The following DNAH8 variants were observed in gnomAD, a reference collection of about 807,000 sequenced individuals.
The protein encoded by DNAH8 is dynein axonemal heavy chain 8.
Under a neutral mutation model 562.1 loss-of-function variants are expected in DNAH8, and 382 were observed. The ratio of observed to expected loss-of-function variants is 0.68; its 90% CI spans 0.63 to 0.74. DNAH8 has a LOEUF of 0.74. Among genes scored for constraint, DNAH8 ranks in the 30% least tolerant of loss-of-function variants. The probability of loss-of-function intolerance (pLI) is 0.00; values close to 1 mark genes in which losing one functional copy is unlikely to be tolerated. For missense variants in DNAH8, 5,203 were observed against 5,620.4 expected (o/e 0.93, Z 2.37); for synonymous variants, 1,881 against 1,919.4 (o/e 0.98, Z 0.52).
intron 88 of DNAH8, among the ~76,000 whole-genome samples, chr6:38,995,855 C>T (rs1486000123): frequency 1.3e-5 from 2 of 152,202 alleles, no homozygotes; most frequent in South Asian, 4.1e-4. Context: ...ATGTACTAGC[C>T]TTCTTAATAT....
intron 53 of DNAH8, among the ~76,000 whole-genome samples, chr6:38,881,311 T>G (rs1299449349): frequency 3.3e-5 from 5 of 152,234 alleles, no homozygotes; most frequent in Non-Finnish European, 7.3e-5. Flanking sequence ...AATGTATGCT[T>G]TCTTTCCATG....
intron 82 of DNAH8, among the ~76,000 whole-genome samples, chr6:38,956,783 A>G (rs966658329): frequency 6.6e-6 from 1 of 152,244 alleles, no homozygotes; most frequent in Non-Finnish European, 1.5e-5. Context: ...AGATACACTA[A>G]AACTAAAAAG....
At chr6:38,911,013 C>T (rs1780850644) in intron 65 of DNAH8, among the ~76,000 whole-genome samples, 1 of 152,164 alleles carries the variant, frequency 6.6e-6, no homozygotes, top group African/African-American at 2.4e-5. Context: ...TCTGTAAACC[C>T]ACCCAGCTGG....
rs1768817843 is a variant in DNAH8 at position 38,783,199 on chromosome 6, A to G, written c.2395+60A>G. On this transcript the variant is annotated intron_variant, in intron 17 of 92. Coordinates refer to ENST00000327475, the MANE Select transcript of DNAH8 (RefSeq NM_001206927.2). ...GGATTAGGTGATTTTGAATGAGTTC[A>G]TAGTTCTGGAGAACTTTTTCCATCC... 5 of 1,537,672 alleles carry G rather than the reference A, an allele frequency of 3.3e-6. No homozygotes were observed. In the Admixed American group the frequency reaches 5.4e-5, roughly 17 times the overall value.
intron 3 of DNAH8, among the ~76,000 whole-genome samples, chr6:38,725,323 A>ATAATAATAATAG (rs1554193024): frequency 8.1e-5 from 12 of 148,076 alleles, no homozygotes; most frequent in Admixed American, 2.7e-4. Flanking sequence ...AATAATAATA[A>ATAATAATAATAG]TAATAATAAT....
chr6:38,938,762 G>T (rs978290431), intron 78 of DNAH8, 36 bp from the exon 79 acceptor site: 5 of 1,482,902 alleles, frequency 3.4e-6, no homozygotes, highest in African/African-American at 1.4e-5. Context: ...AAAAGAAATT[G>T]CCCTTTGCTT....
At chr6:39,010,062 A>T (rs1050169955) in intron 89 of DNAH8, among the ~76,000 whole-genome samples, 2 of 152,328 alleles carry the variant, frequency 1.3e-5, no homozygotes, top group African/African-American at 4.8e-5. Context: ...GGAAAGGTTC[A>T]AGACCTTGTG....
chr6:38,994,123 C>A (rs773250385), intron 88 of DNAH8, among the ~76,000 whole-genome samples: 44 of 152,112 alleles, frequency 2.9e-4, no homozygotes, highest in Non-Finnish European at 2.2e-4. Context: ...GTTATCTCAG[C>A]ATAGTTTTAG....
chr6:38,950,216 G>T (rs907514945), intron 81 of DNAH8, among the ~76,000 whole-genome samples: 12 of 151,294 alleles, frequency 7.9e-5, no homozygotes, highest in African/African-American at 2.4e-4. Flanking sequence ...GTGTGTGTGT[G>T]TGTGTTTGTA....
intron 26 of DNAH8, among the ~76,000 whole-genome samples, chr6:38,816,929 G>A (rs1772336141): frequency 6.6e-6 from 1 of 152,004 alleles, no homozygotes; most frequent in Non-Finnish European, 1.5e-5. Flanking sequence ...ATTTTCTGAT[G>A]GGGTTGAGAA....
At chr6:38,939,710 G>C (rs757691611) in intron 79 of DNAH8, among the ~76,000 whole-genome samples, 1 of 152,192 alleles carries the variant, frequency 6.6e-6, no homozygotes, top group Non-Finnish European at 1.5e-5. Context: ...ATACCTTTGT[G>C]GGTTAAGCCA....
At chr6:39,018,638 GA>G (rs1766708371) in intron 91 of DNAH8, among the ~76,000 whole-genome samples, 2 of 152,296 alleles carry the variant, frequency 1.3e-5, no homozygotes, top group African/African-American at 4.8e-5. Context: ...TCTTCCTCCT[GA>G]GTCATCTGTG....
chr6:39,027,410 T>G (rs1767368200), intron 92 of DNAH8, among the ~76,000 whole-genome samples: 1 of 152,186 alleles, frequency 6.6e-6, no homozygotes, highest in South Asian at 2.1e-4. Flanking sequence ...GAAAGGAACA[T>G]GGCTGGGGGG....
intron 36 of DNAH8, among the ~76,000 whole-genome samples, chr6:38,847,209 A>G (rs531788107): frequency 3.8e-4 from 58 of 152,254 alleles, no homozygotes; most frequent in African/African-American, 1.2e-3. Context: ...TGACCACACA[A>G]AGTTGTACAA....
chr6:38,741,309 G>A (rs1290099187), intron 7 of DNAH8, among the ~76,000 whole-genome samples: 8 of 151,892 alleles, frequency 5.3e-5, no homozygotes, highest in African/African-American at 9.7e-5. Flanking sequence ...AGGATGAGGC[G>A]GGAGGATTGC....
chr6:38,881,398 G>A (rs1268039297), intron 53 of DNAH8, among the ~76,000 whole-genome samples: 1 of 152,112 alleles, frequency 6.6e-6, no homozygotes, highest in African/African-American at 2.4e-5. Context: ...TAAAATAGAG[G>A]CTAAACGTAT....
intron 67 of DNAH8, 27 bp downstream of exon 67, chr6:38,913,979 A>G: frequency 1.3e-6 from 2 of 1,531,416 alleles, no homozygotes; most frequent in Non-Finnish European, 1.8e-6. Flanking sequence ...TTTATCACTG[A>G]TGAGGAATAT....
At chr6:38,801,908 C>G (rs12208807) in intron 21 of DNAH8, among the ~76,000 whole-genome samples, 1 of 151,834 alleles carries the variant, frequency 6.6e-6, no homozygotes, top group East Asian at 1.9e-4. Context: ...GGATCCTCTG[C>G]AGTTGTGTTC....
chr6:38,742,394 C>T (rs566987577), intron 8 of DNAH8, among the ~76,000 whole-genome samples: 2 of 152,194 alleles, frequency 1.3e-5, no homozygotes, highest in South Asian at 4.2e-4. Flanking sequence ...ACCTCCCAGG[C>T]TCAAGCGATT....
Sources: allele counts gnomAD v4.1 joint callset (sites outside exome capture counted in the v4.1 genomes callset), GRCh38; gene constraint gnomAD v4.1.1; transcripts MANE v1.5; gene names NCBI Gene and HGNC (gene_info 2026-07-23, HGNC 2026-07-21).